Variants in NCAM2 observed in about 807,000 individuals in gnomAD.
The protein encoded by NCAM2 is neural cell adhesion molecule 2, also known as N-CAM-2.
A neutral mutation model predicts 98.1 loss-of-function variants in NCAM2; 30 were observed. That is an observed-to-expected ratio of 0.31 (90% CI 0.23 to 0.41). The LOEUF is 0.41. NCAM2 is among the 10% of genes least tolerant of loss of function. NCAM2 has a pLI of 1.00. For missense variants in NCAM2, 867 were observed against 1,005.8 expected (o/e 0.86, Z 1.87); for synonymous variants, 368 against 342.4 (o/e 1.07, Z -0.83).
At chr21:21,377,608 A>G (rs893131661) in intron 9 of NCAM2, among the ~76,000 whole-genome samples, 4 of 151,932 alleles carry the variant, frequency 2.6e-5, no homozygotes, top group Non-Finnish European at 5.9e-5. Flanking sequence ...ATGGGGTACA[A>G]TGTAATTTTT....
At chr21:21,187,462 C>CAAAA (rs201124792) in intron 1 of NCAM2, among the ~76,000 whole-genome samples, 3 of 151,184 alleles carry the variant, frequency 2.0e-5, no homozygotes, top group South Asian at 2.1e-4. Flanking sequence ...ACAACAACAA[C>CAAAA]AAAAAAGGGA....
chr21:21,338,314 C>A, intron 7 of NCAM2, 75 bp from the exon 8 acceptor site: 1 of 1,351,972 alleles, frequency 7.4e-7, no homozygotes, highest in Non-Finnish European at 1.0e-6. Flanking sequence ...TAGACTTAAA[C>A]ACCCATCATG....
At chr21:21,023,449 G>T (rs1008039608) in intron 1 of NCAM2, among the ~76,000 whole-genome samples, 5 of 151,750 alleles carry the variant, frequency 3.3e-5, no homozygotes, top group African/African-American at 7.3e-5. Context: ...ACTTGAATCT[G>T]GGAGGCGGAG....
At position 21,146,326 on chromosome 21, in the gene NCAM2, AATG is replaced by A. The variant is rs1322529558; in HGVS notation, c.56-134251_56-134249del. 2.0e-5 allele frequency among the ~76,000 whole-genome samples: 3 copies of A among 151,530 alleles called. No individual in the cohort carries two copies. In the East Asian group the frequency reaches 5.8e-4, roughly 29 times the overall value. ...TGTTTTGTTTTTTCATGGATTATAA[AATG>A]TTATAGAGGGAAAATTGTCTTTCTG... On this transcript the variant is annotated intron_variant, in intron 1 of 17. Transcript: ENST00000400546.
At position 21,539,499 on chromosome 21, in the gene NCAM2, G is replaced by T. The variant is rs1326816930; in HGVS notation, c.*1542G>T. 3 of 152,086 alleles carry T rather than the reference G, an allele frequency of 2.0e-5. No individual in the cohort carries two copies. Among genetic ancestry groups the T allele is most frequent in the African/African-American group, 7.2e-5 (3 of 41,426 alleles). 9.4% of individuals were successfully genotyped at this position (152,086 alleles called of 1,614,324 possible). Reference sequence around the variant, plus strand: ...TGTCTCTCTGTAGAGATAACCTGATGATTATTAAATGTAAAATTAAGGCAA... The same window carrying T: ...TGTCTCTCTGTAGAGATAACCTGATTATTATTAAATGTAAAATTAAGGCAA... On this transcript the variant is annotated 3_prime_UTR_variant, in exon 18 of 18. Coordinates refer to ENST00000400546, the MANE Select transcript of NCAM2 (RefSeq NM_004540.5).
At chr21:21,378,744 A>G (rs541516825) in intron 9 of NCAM2, among the ~76,000 whole-genome samples, 4 of 152,076 alleles carry the variant, frequency 2.6e-5, no homozygotes, top group East Asian at 3.9e-4. Context: ...TCTAGTACCT[A>G]TTGATGGACA....
chr21:21,135,929 C>T (rs1449120131), intron 1 of NCAM2, among the ~76,000 whole-genome samples: 1 of 129,344 alleles, frequency 7.7e-6, no homozygotes, highest in African/African-American at 3.2e-5. Flanking sequence ...AAGTCAGTGT[C>T]CCATGTATTT....
chr21:21,443,259 C>T (rs1979581408), intron 12 of NCAM2, among the ~76,000 whole-genome samples: 1 of 151,994 alleles, frequency 6.6e-6, no homozygotes, highest in Admixed American at 6.6e-5. Flanking sequence ...GGGAACATCA[C>T]ACACCGGGGA....
At chr21:21,261,783 A>G (rs965203938) in intron 1 of NCAM2, among the ~76,000 whole-genome samples, 2 of 152,150 alleles carry the variant, frequency 1.3e-5, no homozygotes, top group African/African-American at 4.8e-5. Flanking sequence ...TTTACAACCT[A>G]ACATTGCACC....
At chr21:21,400,870 A>G (rs1298221899) in intron 9 of NCAM2, among the ~76,000 whole-genome samples, 1 of 152,188 alleles carries the variant, frequency 6.6e-6, no homozygotes, top group East Asian at 1.9e-4. Flanking sequence ...CACCTTTTAT[A>G]TGGACTAGTG....
intron 1 of NCAM2, among the ~76,000 whole-genome samples, chr21:21,077,183 C>T (rs8133514): frequency 0.037 from 5,660 of 152,106 alleles, 327 homozygotes; most frequent in African/African-American, 0.13. Context: ...ATGAGGTGCC[C>T]GTCAGAGATT....
At chr21:21,108,620 C>A (rs531292942) in intron 1 of NCAM2, among the ~76,000 whole-genome samples, 1 of 152,056 alleles carries the variant, frequency 6.6e-6, no homozygotes, top group Admixed American at 6.5e-5. Flanking sequence ...ATGGATTTTT[C>A]AAATTCTAAT....
intron 1 of NCAM2, among the ~76,000 whole-genome samples, chr21:21,235,452 G>T (rs1450288064): frequency 6.6e-6 from 1 of 151,708 alleles, no homozygotes; most frequent in Non-Finnish European, 1.5e-5. Context: ...TATGTAAGTA[G>T]GTAAACCTAA....
intron 16 of NCAM2, 25 bp downstream of exon 16, chr21:21,509,080 G>C (rs1988190402): frequency 3.7e-6 from 6 of 1,611,066 alleles, no homozygotes; most frequent in East Asian, 4.5e-5. Context: ...TCTACATCAT[G>C]TCATATTAAA....
chr21:21,068,691 C>G (rs2065494800), intron 1 of NCAM2, among the ~76,000 whole-genome samples: 1 of 152,114 alleles, frequency 6.6e-6, no homozygotes, highest in Non-Finnish European at 1.5e-5. Flanking sequence ...AACTCTTGAC[C>G]TTGTGATCTG....
At chr21:21,125,508 T>TA (rs1601434524) in intron 1 of NCAM2, among the ~76,000 whole-genome samples, 1 of 75,858 alleles carries the variant, frequency 1.3e-5, no homozygotes, top group South Asian at 4.5e-4. Context: ...TATGTAATAT[T>TA]TTACATATAT....
intron 1 of NCAM2, among the ~76,000 whole-genome samples, chr21:21,112,202 T>C (rs2066467432): frequency 6.6e-6 from 1 of 152,176 alleles, no homozygotes; most frequent in Non-Finnish European, 1.5e-5. Context: ...TAGTGATTCA[T>C]TGTGTTTTGT....
chr21:21,256,526 T>G (rs2071680285), intron 1 of NCAM2, among the ~76,000 whole-genome samples: 1 of 152,170 alleles, frequency 6.6e-6, no homozygotes, highest in Admixed American at 6.6e-5. Context: ...TGCAGTGAAC[T>G]ATATTACACA....
chr21:21,399,839 C>T (rs138275559), intron 9 of NCAM2, among the ~76,000 whole-genome samples: 5 of 152,164 alleles, frequency 3.3e-5, no homozygotes, highest in African/African-American at 9.6e-5. Flanking sequence ...TCACAGTTAC[C>T]AACCACAAAT....
Sources: allele counts gnomAD v4.1 joint callset (sites outside exome capture counted in the v4.1 genomes callset), GRCh38; gene constraint gnomAD v4.1.1; transcripts MANE v1.5; gene names NCBI Gene and HGNC (gene_info 2026-07-23, HGNC 2026-07-21).